Variants in DYRK1A observed in about 807,000 individuals in gnomAD.
DYRK1A encodes the protein dual specificity tyrosine phosphorylation regulated kinase 1A, also known as dual specificity tyrosine-phosphorylation-regulated kinase 1A.
In DYRK1A, 9 loss-of-function variants were observed where a neutral mutation model predicts 79.7. That is an observed-to-expected ratio of 0.11 (90% confidence interval 0.07 to 0.20). The LOEUF (loss-of-function observed/expected upper bound fraction) is 0.20, where lower values mean the gene tolerates loss of function less well. DYRK1A is among the 10% of genes least tolerant of loss of function. The pLI, the probability that DYRK1A is intolerant of heterozygous loss-of-function variation, is 1.00. For synonymous variants in DYRK1A, 349 were observed against 329.7 expected (o/e 1.06, Z -0.63); for missense variants, 622 against 956.0 (o/e 0.65, Z 4.61).
intron 1 of DYRK1A, among the ~76,000 whole-genome samples, chr21:37,390,284 A>G (rs777252342): frequency 3.3e-5 from 5 of 152,140 alleles, no homozygotes; most frequent in East Asian, 1.9e-4. Context: ...TTTCTTGACA[A>G]TAACTGAGAA....
chr21:37,406,755 A>ATATC (rs1555956336), intron 1 of DYRK1A, among the ~76,000 whole-genome samples: 5 of 44,344 alleles, frequency 1.1e-4, no homozygotes, highest in East Asian at 5.0e-4. Flanking sequence ...ATCTCTATAT[A>ATATC]TCTATATATG....
intron 1 of DYRK1A, among the ~76,000 whole-genome samples, chr21:37,379,116 A>T (rs2049606595): frequency 6.6e-6 from 1 of 152,084 alleles, no homozygotes; most frequent in African/African-American, 2.4e-5. Flanking sequence ...ACACTTGTGG[A>T]CATGAGAGTG....
chr21:37,372,260 A>C (rs1185423598), intron 1 of DYRK1A, among the ~76,000 whole-genome samples: 1 of 149,596 alleles, frequency 6.7e-6, no homozygotes, highest in Admixed American at 6.7e-5. Context: ...CCTGGGCAAC[A>C]TGGTGAAACC....
At chr21:37,397,870 G>A (rs1199917126) in intron 1 of DYRK1A, among the ~76,000 whole-genome samples, 1 of 151,778 alleles carries the variant, frequency 6.6e-6, no homozygotes, top group African/African-American at 2.4e-5. Flanking sequence ...ATTAATACTT[G>A]CCTGGCTCCT....
chr21:37,490,351 C>T lies in DYRK1A; in HGVS notation c.814C>T (p.Leu272Phe), dbSNP rs2053043229. 6.2e-7 allele frequency: 1 copy of T among 1,613,654 alleles called. No homozygotes were observed. The highest frequency in any genetic ancestry group is 8.5e-7 in the Non-Finnish European group (1 of 1,179,772). ...ACTGCTTTTCCTTGCGACTCCAGAA[C>T]TTAGTATCATTCACTGTGATCTAAA... ...TALLFLATPELSIIHCDLKPE... is the reference protein window; with the variant it reads ...TALLFLATPEFSIIHCDLKPE... Residue 272 changes from leucine to phenylalanine, a missense_variant, in exon 7 of 12, where the codon CTT becomes TTT. Around this residue, in one of 5 missense-constraint regions of DYRK1A, gnomAD observed 138 missense variants for 346.4 expected, o/e 0.40. Coordinates refer to ENST00000647188, the MANE Select transcript of DYRK1A (RefSeq NM_001347721.2).
intron 2 of DYRK1A, among the ~76,000 whole-genome samples, chr21:37,425,107 T>C (rs1368210479): frequency 1.3e-5 from 2 of 152,184 alleles, no homozygotes; most frequent in African/African-American, 2.4e-5. Flanking sequence ...AGTTTTTGTT[T>C]AATACGTTTA....
At chr21:37,413,087 A>C (rs1275936965) in intron 1 of DYRK1A, among the ~76,000 whole-genome samples, 1 of 152,208 alleles carries the variant, frequency 6.6e-6, no homozygotes, top group Non-Finnish European at 1.5e-5. Context: ...ATACAAGAAC[A>C]TACATTTTAA....
intron 1 of DYRK1A, chr21:37,374,975 A>G (rs2049508304): frequency 6.6e-6 from 1 of 152,236 alleles, no homozygotes. Context: ...CTGAGTGACT[A>G]ATCAGTGCCT....
rs755724183 is a variant in DYRK1A at position 37,512,237 on chromosome 21, G to C, written c.1971G>C (p.Ser657=). The C allele has an allele frequency of 2.5e-6, 4 of 1,614,114 alleles. No homozygotes were observed. Among genetic ancestry groups the C allele is most frequent in the South Asian group, 2.2e-5 (2 of 91,076 alleles). Residue 657 remains serine, a synonymous_variant, in exon 12 of 12, where the codon TCG becomes TCC. Transcript: ENST00000647188. ...TGTCTTCCTCAACGACTTCTTCCTC[G>C]ACATCTTCCTCCTCTACTGGTAACC... ...TSLSSSTTSS[S]TSSSSTGNQG...
intron 1 of DYRK1A, among the ~76,000 whole-genome samples, chr21:37,390,108 C>G (rs1265003733): frequency 6.6e-6 from 1 of 151,744 alleles, no homozygotes; most frequent in Non-Finnish European, 1.5e-5. Context: ...GTTTTCAGTC[C>G]TGTGCCTCAA....
chr21:37,483,124 A>G (rs913214911), intron 5 of DYRK1A, among the ~76,000 whole-genome samples: 1 of 152,198 alleles, frequency 6.6e-6, no homozygotes, highest in Non-Finnish European at 1.5e-5. Flanking sequence ...AGGAAATCAC[A>G]AGGGTATTGA....
At position 37,525,548 on chromosome 21, in the gene DYRK1A, A is replaced by G. The variant is rs373695721; in HGVS notation, c.*13017A>G. 24 of 152,356 alleles carry G rather than the reference A, an allele frequency of 1.6e-4. 1 individual carries two copies. In the East Asian group the frequency reaches 2.9e-3, roughly 18 times the overall value. 9.4% of individuals were successfully genotyped at this position (152,356 alleles called of 1,614,324 possible). A position where few individuals can be genotyped will look rare whatever the true frequency, so the allele number is the denominator to read the frequency against. On this transcript the variant is annotated 3_prime_UTR_variant, in exon 12 of 12. Transcript: ENST00000647188. Reference sequence around the variant, plus strand: ...TTGGGTGGGGACACAGCTAACTCATATCAGTGTGGAATAGAAAATGGCTCA... The same window carrying G: ...TTGGGTGGGGACACAGCTAACTCATGTCAGTGTGGAATAGAAAATGGCTCA...
intron 1 of DYRK1A, among the ~76,000 whole-genome samples, chr21:37,415,752 C>T (rs2050326223): frequency 6.6e-6 from 1 of 152,152 alleles, no homozygotes; most frequent in Non-Finnish European, 1.5e-5. Context: ...CAGGCATGAG[C>T]TGCTGTGCCT....
rs572231986 is a variant in DYRK1A at position 37,508,054 on chromosome 21, T to C, written c.1644+1831T>C. 2.6e-5 allele frequency among the ~76,000 whole-genome samples: 4 copies of C among 152,004 alleles called. No homozygotes were observed. In the East Asian group the frequency reaches 7.8e-4, roughly 30 times the overall value. ...CCTAAATTTACCCATTTGCTCAAGT[T>C]GTAAATTTGGGGGCACTCCTCTCTC... On this transcript the variant is annotated intron_variant, in intron 11 of 11. Coordinates refer to ENST00000647188, the MANE Select transcript of DYRK1A (RefSeq NM_001347721.2).
At chr21:37,505,206 A>G (rs1454600498) in intron 9 of DYRK1A, 77 bp from the exon 10 acceptor site, 30 of 1,191,130 alleles carry the variant, frequency 2.5e-5, no homozygotes, top group Non-Finnish European at 3.3e-5. Context: ...ATATTTAAAC[A>G]TATTTGAAAT....
chr21:37,448,647 A>G (rs1403697466), intron 2 of DYRK1A, among the ~76,000 whole-genome samples: 1 of 152,190 alleles, frequency 6.6e-6, no homozygotes, highest in Non-Finnish European at 1.5e-5. Context: ...AAACTCAAAT[A>G]TTGAGCAAAG....
chr21:37,480,213 T>C (rs1239844443), intron 4 of DYRK1A, among the ~76,000 whole-genome samples: 2 of 152,118 alleles, frequency 1.3e-5, no homozygotes, highest in African/African-American at 2.4e-5. Flanking sequence ...ATCCCAAATA[T>C]AAAGTTGGGA....
At chr21:37,498,595 C>A (rs796121727) in intron 9 of DYRK1A, among the ~76,000 whole-genome samples, 10 of 152,200 alleles carry the variant, frequency 6.6e-5, no homozygotes, top group African/African-American at 2.4e-4. Context: ...ATTCACCTGT[C>A]AGTGGTCATT....
Position 37,518,947 on chromosome 21 carries a change from A to C in DYRK1A, c.*6416A>C, listed in dbSNP as rs540570703. The C allele has an allele frequency of 6.6e-6, 1 of 152,300 alleles. No homozygotes were observed. Among genetic ancestry groups the C allele is most frequent in the East Asian group, 1.9e-4 (1 of 5,176 alleles). 9.4% of individuals were successfully genotyped at this position (152,300 alleles called of 1,614,324 possible). A position where few individuals can be genotyped will look rare whatever the true frequency, so the allele number is the denominator to read the frequency against. ...TCTTGAAATGGAGTTTGATTACCAAAGTTTACATAGAGTAATGGATAATTA... is the reference window on the plus strand; with the variant it reads ...TCTTGAAATGGAGTTTGATTACCAACGTTTACATAGAGTAATGGATAATTA... On this transcript the variant is annotated 3_prime_UTR_variant, in exon 12 of 12. Coordinates refer to ENST00000647188, the MANE Select transcript of DYRK1A (RefSeq NM_001347721.2).
Sources: gnomAD v4.1 joint callset for allele counts (sites outside exome capture counted in the v4.1 genomes callset) on GRCh38, gnomAD v4.1.1 for gene constraint, gnomAD v4.1.1 regional missense constraint, MANE v1.5 for transcripts, NCBI Gene and HGNC (gene_info 2026-07-23, HGNC 2026-07-21) for gene names.